The following ANO3 variants were observed in gnomAD, a reference collection of about 807,000 sequenced individuals.
ANO3 encodes the protein anoctamin-3.
A neutral mutation model predicts 144.8 loss-of-function variants in ANO3; 99 were observed. The ratio of observed to expected loss-of-function variants is 0.68; its 90% confidence interval spans 0.58 to 0.81. The LOEUF is 0.81. ANO3 is among the 30% of genes least tolerant of loss of function. The probability of loss-of-function intolerance (pLI) is 0.00; values close to 1 mark genes in which losing one functional copy is unlikely to be tolerated. For missense variants in ANO3, 905 were observed against 1,202.2 expected (o/e 0.75, Z 3.66); for synonymous variants, 414 against 392.6 (o/e 1.05, Z -0.64).
intron 1 of ANO3, among the ~76,000 whole-genome samples, chr11:26,426,173 A>T (rs1407220871): frequency 6.6e-6 from 1 of 152,194 alleles, no homozygotes; most frequent in Admixed American, 6.6e-5. Flanking sequence ...ATACAGCTAT[A>T]ACATAACTTA....
chr11:26,252,617 G>C (rs906993942), intron 1 of ANO3, among the ~76,000 whole-genome samples: 1 of 151,834 alleles, frequency 6.6e-6, no homozygotes, highest in Admixed American at 6.6e-5. Flanking sequence ...TTTATCCAAG[G>C]GTTCTTTCAT....
rs763177296 is a variant in ANO3, at chr11:26,531,255, T to C, written c.788T>C (p.Met263Thr). 7.4e-6 allele frequency: 12 copies of C among 1,614,082 alleles called. No individual in the cohort carries two copies. The highest frequency in any genetic ancestry group is 1.1e-5 in the South Asian group (1 of 91,078). The change falls in exon 8 of 27, where the codon ATG (methionine) becomes ACG (threonine). Residue 263 changes from methionine to threonine, a missense_variant. Physicochemically the swap from Met to Thr is moderately conservative, Grantham distance 81. Around this residue, in one of 4 missense-constraint regions of ANO3, gnomAD observed 71 missense variants for 57.9 expected, o/e 1.23. Transcript: ENST00000256737. Reference protein sequence around the residue: ...RIKNWMAQNPMVLDKSAFPDL... With the variant: ...RIKNWMAQNPTVLDKSAFPDL... ...AAAAACTGGATGGCCCAAAACCCAA[T>C]GGTTCTTGACAAGTCAGCTTTTCCA...
At chr11:26,497,001 C>T (rs1326744906) in intron 4 of ANO3, among the ~76,000 whole-genome samples, 2 of 94,512 alleles carry the variant, frequency 2.1e-5, no homozygotes, top group African/African-American at 7.5e-5. Flanking sequence ...TATATACACA[C>T]ACAGACACAC....
intron 1 of ANO3, among the ~76,000 whole-genome samples, chr11:26,259,969 C>T (rs1853147911): frequency 6.6e-6 from 1 of 152,092 alleles, no homozygotes; most frequent in African/African-American, 2.4e-5. Context: ...AGGACCTCAC[C>T]CTAACCCCAT....
chr11:26,593,157 G>A lies in ANO3; in HGVS notation c.1448-5208G>A, dbSNP rs181411119. Among the ~76,000 whole-genome samples, 433 of 152,212 alleles carry A rather than the reference G, an allele frequency of 2.8e-3. 2 individuals carry two copies. The highest frequency in any genetic ancestry group is 0.024 in the South Asian group (118 of 4,820). ...CCTGATGTTTGATAGATGTTCCCTC[G>A]GAAGTTAGGAATTCCCTTTCTCTCC... On this transcript the variant is annotated intron_variant, in intron 14 of 26. Transcript: ENST00000256737.
intron 24 of ANO3, among the ~76,000 whole-genome samples, chr11:26,651,565 A>G (rs77824743): frequency 2.0e-5 from 3 of 152,300 alleles, no homozygotes; most frequent in South Asian, 2.1e-4. Context: ...TTTGGAAAAT[A>G]TAGGTATTTT....
At chr11:26,582,867 T>C (rs1310685231) in intron 14 of ANO3, among the ~76,000 whole-genome samples, 1 of 152,206 alleles carries the variant, frequency 6.6e-6, no homozygotes, top group African/African-American at 2.4e-5. Context: ...TTAGAAAATA[T>C]TCAACTGAAT....
upstream of ANO3, chr11:26,309,598 T>C (rs543600450): frequency 3.7e-4 from 339 of 906,846 alleles, 1 homozygote; most frequent in African/African-American, 5.4e-3. Context: ...TCTGGTCTAC[T>C]GAGTTTCTGA....
Position 26,332,238 on chromosome 11 carries a change from G to C in ANO3, c.-38G>C. ...CTACTGTTCCTCCGCCTCCCTCTCG[G>C]GCAGCTCCCTAAGCCGGCTGGGACG... is the stretch of plus-strand genomic sequence containing the variant. On this transcript the variant is annotated 5_prime_UTR_variant, in exon 1 of 27. Transcript: ENST00000256737. The C allele has an allele frequency of 6.2e-7, 1 of 1,613,994 alleles. No homozygotes were observed. The highest frequency in any genetic ancestry group is 8.5e-7 in the Non-Finnish European group (1 of 1,180,000).
chr11:26,403,437 A>C (rs925154762), intron 1 of ANO3, among the ~76,000 whole-genome samples: 1 of 151,964 alleles, frequency 6.6e-6, no homozygotes, highest in Admixed American at 6.6e-5. Flanking sequence ...GGCAAAATTC[A>C]TCAGCAAATC....
At chr11:26,320,501 G>A (rs1407983399) in intron 1 of ANO3, among the ~76,000 whole-genome samples, 2 of 152,096 alleles carry the variant, frequency 1.3e-5, no homozygotes, top group African/African-American at 4.8e-5. Context: ...ACAGAATGTA[G>A]AAAGTAATCT....
intron 1 of ANO3, among the ~76,000 whole-genome samples, chr11:26,436,084 G>A (rs996914813): frequency 2.6e-5 from 4 of 152,156 alleles, no homozygotes; most frequent in African/African-American, 9.7e-5. Context: ...AGGTTGTGCT[G>A]AAGTCCCAGG....
At chr11:26,608,084 T>C (rs1363215885) in intron 17 of ANO3, among the ~76,000 whole-genome samples, 2 of 152,204 alleles carry the variant, frequency 1.3e-5, no homozygotes, top group African/African-American at 2.4e-5. Flanking sequence ...CTAGTTTCGA[T>C]CTTTGAGACT....
chr11:26,615,191 T>C (rs1055173860), intron 17 of ANO3, among the ~76,000 whole-genome samples: 2 of 149,300 alleles, frequency 1.3e-5, no homozygotes, highest in Non-Finnish European at 3.0e-5. Context: ...TGTTTTTTTT[T>C]TTACTTTATG....
intron 1 of ANO3, among the ~76,000 whole-genome samples, chr11:26,236,168 T>C (rs1852517672): frequency 6.6e-6 from 1 of 152,138 alleles, no homozygotes; most frequent in Admixed American, 6.5e-5. Context: ...ATATGAACAT[T>C]CAAGTTGCTT....
intron 1 of ANO3, among the ~76,000 whole-genome samples, chr11:26,334,693 T>G (rs551779855): frequency 6.6e-6 from 1 of 152,340 alleles, no homozygotes; most frequent in Non-Finnish European, 1.5e-5. Flanking sequence ...AAGGCAGAGA[T>G]GATTTCTTCT....
At chr11:26,271,348 G>A (rs150192463) in intron 1 of ANO3, among the ~76,000 whole-genome samples, 1 of 152,324 alleles carries the variant, frequency 6.6e-6, no homozygotes, top group African/African-American at 2.4e-5. Flanking sequence ...GCACATGGCT[G>A]AAAGCCACAG....
intron 1 of ANO3, among the ~76,000 whole-genome samples, chr11:26,233,702 T>A (rs935660370): frequency 1.3e-5 from 2 of 152,184 alleles, no homozygotes; most frequent in Non-Finnish European, 2.9e-5. Context: ...CAAATGCCCA[T>A]CAATGATAGA....
At chr11:26,471,641 AGCT>A (rs1341954415) in intron 4 of ANO3, among the ~76,000 whole-genome samples, 23 of 151,918 alleles carry the variant, frequency 1.5e-4, no homozygotes, top group Admixed American at 1.4e-3. Context: ...TTGTGTGTAG[AGCT>A]GCAATATGTC....
Sources: gnomAD v4.1 joint callset for allele counts (sites outside exome capture counted in the v4.1 genomes callset) on GRCh38, gnomAD v4.1.1 for gene constraint, gnomAD v4.1.1 regional missense constraint, MANE v1.5 for transcripts, NCBI Gene and HGNC (gene_info 2026-07-23, HGNC 2026-07-21) for gene names.